Variants in SCHIP1 observed in about 807,000 individuals in gnomAD.
The protein encoded by SCHIP1 is schwannomin interacting protein 1, also known as schwannomin-interacting protein 1.
A neutral mutation model predicts 29.7 loss-of-function variants in SCHIP1; 8 were observed. That is an observed-to-expected ratio of 0.27 (90% CI 0.16 to 0.49). The LOEUF is 0.49. Ranked by LOEUF, SCHIP1 falls within the 20% of genes least tolerant of loss-of-function variation. SCHIP1 has a pLI of 0.99. For missense variants in SCHIP1, 193 were observed against 294.6 expected (o/e 0.66, Z 2.52); for synonymous variants, 76 against 94.9 (o/e 0.80, Z 1.16).
At chr3:159,546,413 G>T in the SCHIP1 span, among the ~76,000 whole-genome samples, 1 of 152,024 alleles carries the variant, frequency 6.6e-6, no homozygotes, top group Admixed American at 6.6e-5. Flanking sequence ...TTCCTAGTTT[G>T]CTAAGTTTTT....
At chr3:159,685,287 A>G in the SCHIP1 span, among the ~76,000 whole-genome samples, 523 of 152,348 alleles carry the variant, frequency 3.4e-3, 3 homozygotes, top group African/African-American at 0.012. Context: ...GTAATTAATT[A>G]CATTCATTAC....
chr3:159,788,094 C>T, the SCHIP1 span, among the ~76,000 whole-genome samples: 1 of 152,180 alleles, frequency 6.6e-6, no homozygotes, highest in Non-Finnish European at 1.5e-5. Context: ...ATCCCCGCAG[C>T]CTGGAGACTA....
At chr3:159,495,266 G>T in the SCHIP1 span, among the ~76,000 whole-genome samples, 1 of 152,196 alleles carries the variant, frequency 6.6e-6, no homozygotes, top group African/African-American at 2.4e-5. Context: ...GGGCAATCAG[G>T]CAGGAGAAGG....
the SCHIP1 span, among the ~76,000 whole-genome samples, chr3:159,377,944 A>C: frequency 6.6e-6 from 1 of 152,164 alleles, no homozygotes; most frequent in Non-Finnish European, 1.5e-5. Flanking sequence ...GTCTTTGGTA[A>C]ATTTGCTGCA....
the SCHIP1 span, among the ~76,000 whole-genome samples, chr3:159,813,417 C>G: frequency 6.6e-6 from 1 of 152,128 alleles, no homozygotes; most frequent in African/African-American, 2.4e-5. Flanking sequence ...GTAGCTCACA[C>G]CTGTAACCCC....
the SCHIP1 span, among the ~76,000 whole-genome samples, chr3:159,525,182 G>A: frequency 1.3e-5 from 2 of 152,098 alleles, no homozygotes; most frequent in African/African-American, 2.4e-5. Context: ...ATTATAACAC[G>A]CATACAGTAA....
chr3:159,278,666 C>CTGTA, the SCHIP1 span, among the ~76,000 whole-genome samples: 2 of 152,168 alleles, frequency 1.3e-5, no homozygotes, highest in African/African-American at 4.8e-5. Flanking sequence ...AATCCTGAAG[C>CTGTA]TGTAGACCAT....
At chr3:159,823,778 G>A in the SCHIP1 span, among the ~76,000 whole-genome samples, 15 of 152,174 alleles carry the variant, frequency 9.9e-5, no homozygotes, top group East Asian at 1.9e-4. Flanking sequence ...TGTGACCTCC[G>A]TAGGCTTTGA....
the SCHIP1 span, among the ~76,000 whole-genome samples, chr3:159,475,464 T>C: frequency 1.3e-5 from 2 of 152,122 alleles, no homozygotes; most frequent in Non-Finnish European, 2.9e-5. Flanking sequence ...ATAGGGTTTT[T>C]TTGGCAGGGA....
intron 1 of SCHIP1, among the ~76,000 whole-genome samples, chr3:159,860,381 G>C (rs1312254226): frequency 6.6e-6 from 1 of 152,130 alleles, no homozygotes; most frequent in Non-Finnish European, 1.5e-5. Context: ...GAGCTTATTA[G>C]AAATGCAGAG....
chr3:159,388,847 A>G, the SCHIP1 span, among the ~76,000 whole-genome samples: 94,948 of 152,000 alleles, frequency 0.62, 30,377 homozygotes, highest in East Asian at 0.75. Flanking sequence ...CAATCATTTT[A>G]TTCATTTGAA....
the SCHIP1 span, among the ~76,000 whole-genome samples, chr3:159,620,597 T>C: frequency 2.6e-5 from 4 of 152,224 alleles, no homozygotes; most frequent in Non-Finnish European, 5.9e-5. Context: ...GACCCTATAA[T>C]TCTTGGGAAA....
the SCHIP1 span, among the ~76,000 whole-genome samples, chr3:159,829,466 T>C: frequency 6.6e-6 from 1 of 152,150 alleles, no homozygotes; most frequent in African/African-American, 2.4e-5. Context: ...AATGAGATAG[T>C]CTATGGGACT....
the SCHIP1 span, among the ~76,000 whole-genome samples, chr3:159,435,624 T>C: frequency 6.6e-6 from 1 of 152,172 alleles, no homozygotes; most frequent in South Asian, 2.1e-4. Flanking sequence ...GGTTCATTCA[T>C]AACAGAAGGT....
At chr3:159,853,368 A>G in intron 1 of SCHIP1, 1 of 687,276 alleles carries the variant, frequency 1.5e-6, no homozygotes. Context: ...TGAAATTCTA[A>G]AGAGTTAAAG....
chr3:159,880,013 G>GA lies in SCHIP1; in HGVS notation c.150-6188dup, dbSNP rs1256387820. On this transcript the variant is annotated intron_variant, in intron 2 of 6. Transcript: ENST00000445224. ...AGAACTAGTCTTAGAAGAGCAAGCAGAAAAAAGAAAGTATGCATAAGATTA... is the reference window on the plus strand; with the variant it reads ...AGAACTAGTCTTAGAAGAGCAAGCAGAAAAAAAGAAAGTATGCATAAGATTA... Among the ~76,000 whole-genome samples, 10 of 152,232 alleles carry GA rather than the reference G, an allele frequency of 6.6e-5. No individual in the cohort carries two copies. In the East Asian group the frequency reaches 1.2e-3, roughly 18 times the overall value.
chr3:159,578,835 TTAC>T, the SCHIP1 span, among the ~76,000 whole-genome samples: 1 of 152,170 alleles, frequency 6.6e-6, no homozygotes, highest in Non-Finnish European at 1.5e-5. Flanking sequence ...ACCCTAGTGA[TTAC>T]CTTGTATCCA....
chr3:159,386,417 G>C, the SCHIP1 span, among the ~76,000 whole-genome samples: 1 of 152,130 alleles, frequency 6.6e-6, no homozygotes, highest in Non-Finnish European at 1.5e-5. Flanking sequence ...CACGCTCGTG[G>C]ATACACGCTC....
chr3:159,454,261 A>G, the SCHIP1 span, among the ~76,000 whole-genome samples: 13 of 152,284 alleles, frequency 8.5e-5, no homozygotes, highest in East Asian at 2.3e-3. Flanking sequence ...AACTACTCCT[A>G]TGATTTAAAT....
Sources: gnomAD v4.1 joint callset for allele counts (sites outside exome capture counted in the v4.1 genomes callset) on GRCh38, gnomAD v4.1.1 for gene constraint, MANE v1.5 for transcripts, NCBI Gene and HGNC (gene_info 2026-07-23, HGNC 2026-07-21) for gene names.